The following MECOM variants were observed in gnomAD, a reference collection of about 807,000 sequenced individuals.
MECOM encodes MDS1 and EVI1 complex locus.
A neutral mutation model predicts 116.3 loss-of-function variants in MECOM; 13 were observed. The observed-to-expected ratio is 0.11, with a 90% CI of 0.07 to 0.18. MECOM has a LOEUF of 0.18. MECOM is among the 10% of genes least tolerant of loss of function. MECOM has a pLI of 1.00. For missense variants in MECOM, 1,299 were observed against 1,509.0 expected, an observed-to-expected ratio of 0.86 and a Z score of 2.31; for synonymous variants, 528 against 535.2, an observed-to-expected ratio of 0.99 and a Z score of 0.19.
rs752467699 is a variant in MECOM at position 169,121,217 on chromosome 3, G to A, written c.979-8C>T. 83 of 1,606,730 alleles carry A rather than the reference G, an allele frequency of 5.2e-5. 1 individual carries two copies. In the South Asian group the frequency reaches 8.9e-4, roughly 17 times the overall value. On this transcript the variant is annotated splice_region_variant and splice_polypyrimidine_tract_variant and intron_variant, in intron 6 of 16. Coordinates refer to ENST00000651503, the MANE Select transcript of MECOM (RefSeq NM_004991.4). Reference sequence around the variant, plus strand: ...GCTAGGGTCCGTGAAAACCTGCTAGGAAATGAGTACTGATTAATCAAGAAA... The same window carrying A: ...GCTAGGGTCCGTGAAAACCTGCTAGAAAATGAGTACTGATTAATCAAGAAA...
intron 1 of MECOM, among the ~76,000 whole-genome samples, chr3:169,397,995 G>C (rs1735279913): frequency 6.6e-6 from 1 of 152,110 alleles, no homozygotes; most frequent in African/African-American, 2.4e-5. Flanking sequence ...TGTAATCCTA[G>C]TGAACTGCTA....
At chr3:169,406,306 T>C (rs998868645) in intron 1 of MECOM, among the ~76,000 whole-genome samples, 2 of 152,194 alleles carry the variant, frequency 1.3e-5, no homozygotes, top group Non-Finnish European at 2.9e-5. Flanking sequence ...TCTGAACAAG[T>C]CTTTTCATCT....
chr3:169,560,107 A>G (rs888043138), intron 1 of MECOM, among the ~76,000 whole-genome samples: 4 of 152,210 alleles, frequency 2.6e-5, no homozygotes, highest in African/African-American at 9.6e-5. Flanking sequence ...CTTTACTTGT[A>G]TAACCAATTT....
At position 169,146,537 on chromosome 3, in the gene MECOM, A is replaced by G. The variant is rs759306361; in HGVS notation, c.376-2705T>C. 11 of 1,378,096 alleles carry G rather than the reference A, an allele frequency of 8.0e-6. No individual in the cohort carries two copies. The Admixed American group carries it at 2.1e-4, about 26-fold the overall frequency. The allele number at this position is 1,378,096 out of a possible 1,614,324, so 85.4% of individuals were successfully genotyped here. A position where few individuals can be genotyped will look rare whatever the true frequency, so the allele number is the denominator to read the frequency against. On this transcript the variant is annotated intron_variant, in intron 2 of 16. Transcript: ENST00000651503. Reference sequence around the variant, plus strand: ...GACCGCACCGTTTCGCAGGAGGAACAAGGAAATCGCCCGGCTTAGCAACGT... The same window carrying G: ...GACCGCACCGTTTCGCAGGAGGAACGAGGAAATCGCCCGGCTTAGCAACGT...
rs1181816818 is a variant in MECOM, at chr3:169,663,604, C to T, written c.-232G>A. Reference sequence around the variant, plus strand: ...TCTCTGTATTTTCTTCTTTCACTCTCTCTCCCTCCCTCTCTCCCTTTCTCT... The same window carrying T: ...TCTCTGTATTTTCTTCTTTCACTCTTTCTCCCTCCCTCTCTCCCTTTCTCT... On this transcript the variant is annotated 5_prime_UTR_variant, in exon 1 of 17. Transcript: ENST00000651503. 1.7e-6 allele frequency: 1 copy of T among 582,226 alleles called. No homozygotes were observed. The highest frequency in any genetic ancestry group is 3.0e-5 in the Admixed American group (1 of 32,798). The allele number at this position is 582,226 out of a possible 1,614,324, so 36.1% of individuals were successfully genotyped here. A position where few individuals can be genotyped will look rare whatever the true frequency, so the allele number is the denominator to read the frequency against.
chr3:169,211,196 C>G (rs1470954902), intron 2 of MECOM, among the ~76,000 whole-genome samples: 1 of 152,068 alleles, frequency 6.6e-6, no homozygotes, highest in Non-Finnish European at 1.5e-5. Context: ...GTGGCAGTAC[C>G]ATTTTACATT....
At chr3:169,191,791 A>G (rs79441702) in intron 2 of MECOM, among the ~76,000 whole-genome samples, 17,768 of 142,252 alleles carry the variant, frequency 0.12, 1,635 homozygotes, top group East Asian at 0.38. Context: ...AGAAAGAAAG[A>G]AAGGGAGGGA....
intron 1 of MECOM, among the ~76,000 whole-genome samples, chr3:169,485,979 T>TATAC (rs1309989261): frequency 8.4e-6 from 1 of 119,116 alleles, no homozygotes; most frequent in Non-Finnish European, 1.7e-5. Flanking sequence ...TATACATATA[T>TATAC]ATATAGTATA....
chr3:169,285,599 G>A (rs1041861245), intron 2 of MECOM, among the ~76,000 whole-genome samples: 1 of 152,118 alleles, frequency 6.6e-6, no homozygotes, highest in Non-Finnish European at 1.5e-5. Flanking sequence ...GAGCCAGCTT[G>A]GGGAAAAGGT....
At chr3:169,197,343 TAAAA>T (rs1748559630) in intron 2 of MECOM, among the ~76,000 whole-genome samples, 3 of 30,588 alleles carry the variant, frequency 9.8e-5, no homozygotes, top group African/African-American at 2.4e-4. Context: ...AATAAATAAA[TAAAA>T]TAAAATAAAA....
chr3:169,318,877 T>C (rs1432108155), intron 2 of MECOM, among the ~76,000 whole-genome samples: 1 of 151,994 alleles, frequency 6.6e-6, no homozygotes, highest in Non-Finnish European at 1.5e-5. Context: ...GGCAGGTGGA[T>C]CACCTGAGGT....
chr3:169,484,938 C>T (rs1409423015), intron 1 of MECOM, among the ~76,000 whole-genome samples: 3 of 152,132 alleles, frequency 2.0e-5, no homozygotes, highest in Non-Finnish European at 2.9e-5. Context: ...ATTAACGGGG[C>T]TTCAAGTGCA....
At chr3:169,329,368 C>T (rs189061803) in intron 2 of MECOM, among the ~76,000 whole-genome samples, 11 of 152,248 alleles carry the variant, frequency 7.2e-5, no homozygotes, top group Admixed American at 4.6e-4. Context: ...GCTTCTATTT[C>T]GGAAGCTGTT....
intron 1 of MECOM, among the ~76,000 whole-genome samples, chr3:169,519,744 C>T (rs1421949328): frequency 1.3e-5 from 2 of 152,198 alleles, no homozygotes; most frequent in African/African-American, 4.8e-5. Flanking sequence ...ACTCCTTTGC[C>T]CATTTGTTTA....
intron 2 of MECOM, among the ~76,000 whole-genome samples, chr3:169,323,721 T>A (rs1197307361): frequency 6.6e-6 from 1 of 152,206 alleles, no homozygotes; most frequent in Non-Finnish European, 1.5e-5. Flanking sequence ...GCCTCCCAGC[T>A]GTGACAGCCA....
At chr3:169,224,219 T>A (rs889568188) in intron 2 of MECOM, among the ~76,000 whole-genome samples, 1 of 152,166 alleles carries the variant, frequency 6.6e-6, no homozygotes, top group African/African-American at 2.4e-5. Flanking sequence ...TTCCTTCCCA[T>A]CTGCCCTTCA....
chr3:169,205,695 A>G (rs554792442), intron 2 of MECOM, among the ~76,000 whole-genome samples: 2 of 152,186 alleles, frequency 1.3e-5, no homozygotes, highest in Non-Finnish European at 2.9e-5. Flanking sequence ...CACACATTCA[A>G]ATAGAAGCTT....
At chr3:169,110,143 A>C (rs1193615777) in intron 9 of MECOM, among the ~76,000 whole-genome samples, 2 of 152,200 alleles carry the variant, frequency 1.3e-5, no homozygotes, top group Non-Finnish European at 1.5e-5. Context: ...AAATCATAAC[A>C]AGCACTAAGA....
At chr3:169,551,762 C>A (rs1761430107) in intron 1 of MECOM, among the ~76,000 whole-genome samples, 1 of 152,166 alleles carries the variant, frequency 6.6e-6, no homozygotes, top group South Asian at 2.1e-4. Context: ...CACAAATATT[C>A]ACAGCACTAT....
Sources: gnomAD v4.1 joint callset for allele counts (sites outside exome capture counted in the v4.1 genomes callset) on GRCh38, gnomAD v4.1.1 for gene constraint, MANE v1.5 for transcripts, NCBI Gene and HGNC (gene_info 2026-07-23, HGNC 2026-07-21) for gene names.